WNK2: variants seen among roughly 807,000 people sequenced by gnomAD.
The protein encoded by WNK2 is serine/threonine-protein kinase WNK2.
In WNK2, 67 loss-of-function variants were observed where a neutral mutation model predicts 192.1. The ratio of observed to expected loss-of-function variants is 0.35; its 90% confidence interval spans 0.29 to 0.43. WNK2 has a LOEUF of 0.43. Among genes scored for constraint, WNK2 ranks in the 20% least tolerant of loss-of-function variants. The pLI is 1.00. For missense variants in WNK2, 2,698 were observed against 3,089.7 expected (o/e 0.87, Z 3.01); for synonymous variants, 1,439 against 1,393.9 (o/e 1.03, Z -0.72).
chr9:93,186,542 C>T (rs1475235869), intron 2 of WNK2, among the ~76,000 whole-genome samples: 3 of 152,138 alleles, frequency 2.0e-5, no homozygotes, highest in Non-Finnish European at 2.9e-5. Flanking sequence ...TGTAAGTGTA[C>T]TCTGTTGGCC....
chr9:93,246,435 G>A lies in WNK2; in HGVS notation c.1543-1108G>A, dbSNP rs573684738. On this transcript the variant is annotated intron_variant, in intron 7 of 29. Coordinates refer to ENST00000427277, the MANE Select transcript of WNK2 (RefSeq NM_006648.4). The stretch of plus-strand genomic sequence containing the variant: ...ACGCATGTGTCTGTGCATTTACACC[G>A]CGAAGGTGTCGGGAGCCTGCCTGTG... 8.5e-5 allele frequency among the ~76,000 whole-genome samples: 13 copies of A among 152,316 alleles called. No homozygotes were observed. In the East Asian group the frequency reaches 9.6e-4, roughly 11 times the overall value.
chr9:93,319,305 C>G, intron 29 of WNK2: 2 of 1,451,276 alleles, frequency 1.4e-6, no homozygotes, highest in Non-Finnish European at 1.8e-6. Flanking sequence ...CAGTTCTGGG[C>G]TCAGCTGCAT....
rs1040697893 is a variant in WNK2 at position 93,301,583 on chromosome 9, T to C, written c.6214+1434T>C. 5.9e-5 allele frequency among the ~76,000 whole-genome samples: 9 copies of C among 151,804 alleles called. No individual in the cohort carries two copies. The South Asian group carries it at 1.7e-3, about 28-fold the overall frequency. On this transcript the variant is annotated intron_variant, in intron 26 of 29. Transcript: ENST00000427277. Reference sequence around the variant, plus strand: ...TGAATCTGGGGAGGAGTGGGCGCCTTCCCCCCCACCCCTGCGTCTCTGGGT... The same window carrying C: ...TGAATCTGGGGAGGAGTGGGCGCCTCCCCCCCCACCCCTGCGTCTCTGGGT...
rs148697805 is a variant in WNK2 at position 93,235,733 on chromosome 9, T to C, written c.1233+768T>C. 9.9e-4 allele frequency among the ~76,000 whole-genome samples: 151 copies of C among 152,352 alleles called. 1 individual carries two copies. Among genetic ancestry groups the C allele is most frequent in the Middle Eastern group, 3.4e-3 (1 of 294 alleles). ...TCTGCACTGAGGGCCCAGGCTGCCC[T>C]GATCCCTGCAGTCCCTGCTGTCTCC... On this transcript the variant is annotated intron_variant, in intron 5 of 29. Transcript: ENST00000427277.
chr9:93,205,860 C>A (rs1258848816), intron 2 of WNK2, among the ~76,000 whole-genome samples: 1 of 152,110 alleles, frequency 6.6e-6, no homozygotes, highest in East Asian at 1.9e-4. Context: ...CCAGTGCCTT[C>A]TGGCAGCCTC....
chr9:93,214,630 A>G (rs1330711026), intron 2 of WNK2, among the ~76,000 whole-genome samples: 2 of 148,496 alleles, frequency 1.3e-5, no homozygotes, highest in Admixed American at 1.4e-4. Flanking sequence ...ATGTTATTGC[A>G]TAGTCATTTT....
intron 5 of WNK2, among the ~76,000 whole-genome samples, chr9:93,235,564 G>A (rs1588090027): frequency 6.6e-6 from 1 of 152,340 alleles, no homozygotes; most frequent in Non-Finnish European, 1.5e-5. Flanking sequence ...TCCTCCCTCT[G>A]TGGTGGCCCC....
chr9:93,264,275 A>T (rs745398936), intron 16 of WNK2, among the ~76,000 whole-genome samples: 25 of 152,164 alleles, frequency 1.6e-4, no homozygotes, highest in Non-Finnish European at 3.1e-4. Flanking sequence ...CTGCTCCCTG[A>T]GGGCTTCTGG....
At chr9:93,319,020 C>T (rs796450594) in intron 29 of WNK2, 22 of 1,533,480 alleles carry the variant, frequency 1.4e-5, no homozygotes, top group Middle Eastern at 2.0e-4. Context: ...TGCCAGGGCA[C>T]GATGCTGTCG....
intron 28 of WNK2, among the ~76,000 whole-genome samples, chr9:93,311,644 G>C (rs971463338): frequency 2.7e-4 from 5 of 18,844 alleles, no homozygotes; most frequent in Non-Finnish European, 6.6e-4. Flanking sequence ...TGTGTGTTTT[G>C]AGACGGAGTT....
intron 2 of WNK2, among the ~76,000 whole-genome samples, chr9:93,214,548 C>T (rs932354539): frequency 9.2e-5 from 14 of 152,152 alleles, no homozygotes; most frequent in African/African-American, 3.4e-4. Flanking sequence ...AAGTGATCTG[C>T]CTGCCTCAGC....
In WNK2 at chr9:93,271,778, C is replaced by G. The variant is rs1419233; in HGVS notation, c.4033+3032C>G. On this transcript the variant is annotated intron_variant, in intron 19 of 29. Transcript: ENST00000427277. ...TTGAAGAAATAATGCTAAAAATTTCCCAAGTTTGGTGAAAGACGTAAGTCT... is the reference window on the plus strand; with the variant it reads ...TTGAAGAAATAATGCTAAAAATTTCGCAAGTTTGGTGAAAGACGTAAGTCT... Among the ~76,000 whole-genome samples the G allele has an allele frequency of 2.6e-5, 4 of 152,198 alleles. No homozygotes were observed. In the South Asian group the frequency reaches 8.3e-4, roughly 32 times the overall value.
chr9:93,198,999 G>A (rs532728207), intron 2 of WNK2, among the ~76,000 whole-genome samples: 1 of 152,344 alleles, frequency 6.6e-6, no homozygotes, highest in East Asian at 1.9e-4. Context: ...CGGGGTGGGT[G>A]GAGGCCTGCT....
chr9:93,309,857 G>A (rs1853328912), intron 28 of WNK2, among the ~76,000 whole-genome samples: 1 of 152,196 alleles, frequency 6.6e-6, no homozygotes, highest in South Asian at 2.1e-4. Flanking sequence ...CCCACTAATG[G>A]TTTTAGCTGC....
rs779322771 is a variant in WNK2 at position 93,252,950 on chromosome 9, C to T, written c.1902C>T (p.Ser634=). ...VYSDSQSSQQ[S]VMLGSLADAA... Reference sequence around the variant, plus strand: ...CAGACTCGCAGAGCAGCCAGCAGAGCGTGATGCTTGGCTCCCTTGCCGACG... The same window carrying T: ...CAGACTCGCAGAGCAGCCAGCAGAGTGTGATGCTTGGCTCCCTTGCCGACG... Residue 634 remains serine (S), a synonymous_variant, in exon 9 of 30, where the codon AGC becomes AGT. Transcript: ENST00000427277. The T allele has an allele frequency of 7.0e-6, 11 of 1,578,168 alleles. No individual in the cohort carries two copies. Among genetic ancestry groups the T allele is most frequent in the South Asian group, 2.3e-5 (2 of 85,832 alleles).
Position 93,247,670 on chromosome 9 carries a change from A to T in WNK2, c.1670A>T (p.Asp557Val), listed in dbSNP as rs1841960649. 3 of 1,578,072 alleles carry T rather than the reference A, an allele frequency of 1.9e-6. No individual in the cohort carries two copies. Among genetic ancestry groups the T allele is most frequent in the Non-Finnish European group, 2.6e-6 (3 of 1,162,248 alleles). ...GCGCTGCAGCCCAAGGAGCAGCAGG[A>T]TGTGGGCAGCCCGGACAAGGCCAGG... ...WPALQPKEQQ[D>V]VGSPDKARGP... is the part of the protein sequence containing the mutation. The change falls in exon 8 of 30, where the codon GAT (aspartate) becomes GTT (valine). Residue 557 changes from aspartate (D) to valine (V), a missense_variant. Around this residue, in one of 7 missense-constraint regions of WNK2, gnomAD observed 893 missense variants for 909.0 expected, o/e 0.98. Coordinates refer to ENST00000427277, the MANE Select transcript of WNK2 (RefSeq NM_006648.4). The surrounding 1 kb of genome is among the most constrained non-coding windows in gnomAD (Gnocchi z 5.2).
chr9:93,204,666 T>C (rs1165994426), intron 2 of WNK2, among the ~76,000 whole-genome samples: 1 of 152,014 alleles, frequency 6.6e-6, no homozygotes, highest in Admixed American at 6.6e-5. Flanking sequence ...ACAGAGTGGG[T>C]GTTTGCAGGC....
intron 2 of WNK2, among the ~76,000 whole-genome samples, chr9:93,213,699 G>A (rs1022549124): frequency 1.3e-5 from 2 of 152,324 alleles, no homozygotes; most frequent in African/African-American, 4.8e-5. Context: ...TGAGGCAGGA[G>A]AATCGCTTGA....
Position 93,185,288 on chromosome 9 carries a change from G to A in WNK2, c.359G>A (p.Gly120Asp). ...GCGGACGCCGGCCCCGAGCCCGTGG[G>A]CACGCAGGAGCCCGGCCCGGACCCC... ...APADAGPEPV[G>D]TQEPGPDPIA... The change falls in exon 2 of 30, where the codon GGC becomes GAC. Residue 120 changes from glycine to aspartate, a missense_variant. By Grantham distance (94) the Gly-to-Asp change is moderately conservative (BLOSUM62 -1). Around this residue, in one of 7 missense-constraint regions of WNK2, gnomAD observed 260 missense variants for 285.6 expected, o/e 0.91. Coordinates refer to ENST00000427277, the MANE Select transcript of WNK2 (RefSeq NM_006648.4). 1 of 1,396,472 alleles carries A rather than the reference G, an allele frequency of 7.2e-7. No homozygotes were observed. The highest frequency in any genetic ancestry group is 9.2e-7 in the Non-Finnish European group (1 of 1,082,174). The allele number at this position is 1,396,472 out of a possible 1,614,324, so 86.5% of individuals were successfully genotyped here.
Sources: allele counts gnomAD v4.1 joint callset (sites outside exome capture counted in the v4.1 genomes callset), GRCh38; gene constraint gnomAD v4.1.1; regional missense constraint gnomAD v4.1.1; non-coding constraint Gnocchi (gnomAD v3.1); transcripts MANE v1.5; gene names NCBI Gene and HGNC (gene_info 2026-07-23, HGNC 2026-07-21).